GPHN: variants seen among roughly 807,000 people sequenced by gnomAD.
GPHN encodes gephyrin.
A neutral mutation model predicts 95.5 loss-of-function variants in GPHN; 17 were observed. That is an observed-to-expected ratio of 0.18 (90% CI 0.12 to 0.27). GPHN has a LOEUF of 0.27. GPHN is among the 10% of genes least tolerant of loss of function. The pLI, the probability that GPHN is intolerant of heterozygous loss-of-function variation, is 1.00. For missense variants in GPHN, 660 were observed against 978.1 expected (o/e 0.67, Z 4.34); for synonymous variants, 320 against 322.5 (o/e 0.99, Z 0.08).
Position 66,672,890 on chromosome 14 carries a change from C to T in GPHN, c.65-8217C>T, listed in dbSNP as rs191611059. Among the ~76,000 whole-genome samples, 34 of 152,062 alleles carry T rather than the reference C, an allele frequency of 2.2e-4. No individual in the cohort carries two copies. In the East Asian group the frequency reaches 5.6e-3, roughly 25 times the overall value. On this transcript the variant is annotated intron_variant, in intron 1 of 22. Coordinates refer to ENST00000478722, the MANE Select transcript of GPHN (RefSeq NM_020806.5). ...ATCTCTGTTTTTTAATTGGTGCATT[C>T]GGACCATTGACATTCAACATCGTTA...
At chr14:66,869,979 A>G (rs1189622207) in intron 4 of GPHN, among the ~76,000 whole-genome samples, 1 of 152,126 alleles carries the variant, frequency 6.6e-6, no homozygotes, top group Non-Finnish European at 1.5e-5. Context: ...AGCACATACT[A>G]TATGTTGGGC....
the GPHN span, among the ~76,000 whole-genome samples, chr14:67,195,376 C>T: frequency 6.6e-6 from 1 of 152,120 alleles, no homozygotes; most frequent in Non-Finnish European, 1.5e-5. Context: ...CCACTCTTTG[C>T]TCTCTGGAAG....
intron 9 of GPHN, among the ~76,000 whole-genome samples, chr14:66,978,713 G>A (rs753537191): frequency 2.2e-4 from 33 of 152,004 alleles, no homozygotes; most frequent in Non-Finnish European, 4.4e-5. Flanking sequence ...TTGATATTCT[G>A]GGCTCCCATG....
At chr14:66,986,136 AT>A (rs1416154634) in intron 9 of GPHN, among the ~76,000 whole-genome samples, 1 of 150,632 alleles carries the variant, frequency 6.6e-6, no homozygotes, top group Non-Finnish European at 1.5e-5. Context: ...TGTAAAAAAA[AT>A]AATTTTAATG....
chr14:66,905,759 ATTGTTCCCAT>A (rs2065348768), intron 5 of GPHN, among the ~76,000 whole-genome samples: 1 of 152,000 alleles, frequency 6.6e-6, no homozygotes, highest in South Asian at 2.1e-4. Flanking sequence ...CCCAGTGTCT[ATTGTTCCCAT>A]CTTTATGTCC....
At chr14:66,757,345 C>T (rs1024312896) in intron 2 of GPHN, among the ~76,000 whole-genome samples, 3 of 134,812 alleles carry the variant, frequency 2.2e-5, no homozygotes, top group African/African-American at 7.0e-5. Flanking sequence ...TATATATACA[C>T]GCACACACAC....
the GPHN span, among the ~76,000 whole-genome samples, chr14:67,371,548 C>T: frequency 9.9e-5 from 15 of 152,106 alleles, no homozygotes; most frequent in African/African-American, 1.4e-4. Context: ...CTTACATAGA[C>T]CTTATAGCCT....
chr14:66,709,122 T>A (rs2069364615), intron 2 of GPHN, among the ~76,000 whole-genome samples: 1 of 152,144 alleles, frequency 6.6e-6, no homozygotes, highest in Non-Finnish European at 1.5e-5. Flanking sequence ...GCCAATGAGA[T>A]TAATATAATG....
intron 3 of GPHN, among the ~76,000 whole-genome samples, chr14:66,777,030 G>A (rs893955262): frequency 7.3e-5 from 11 of 151,024 alleles, no homozygotes; most frequent in Non-Finnish European, 1.5e-4. Context: ...ATGCTATCCC[G>A]AGCTGGTTTT....
At chr14:67,587,649 G>C in the GPHN span, 2 of 215,126 alleles carry the variant, frequency 9.3e-6, no homozygotes, top group Non-Finnish European at 1.9e-5. Flanking sequence ...CAGGGTTCAA[G>C]CAATTCTCCT....
At chr14:67,678,332 G>C in the GPHN span, 86 of 1,611,072 alleles carry the variant, frequency 5.3e-5, no homozygotes, top group Non-Finnish European at 6.5e-5. Flanking sequence ...TAGTCTATTG[G>C]GAGGCCCAGC....
chr14:67,338,710 C>A, the GPHN span: 1 of 1,613,764 alleles, frequency 6.2e-7, no homozygotes, highest in Non-Finnish European at 8.5e-7. Flanking sequence ...TGCTCCAAGT[C>A]CTTCTCAGAT....
At chr14:67,480,667 C>T in the GPHN span, among the ~76,000 whole-genome samples, 1 of 152,146 alleles carries the variant, frequency 6.6e-6, no homozygotes, top group Non-Finnish European at 1.5e-5. Flanking sequence ...TGCACGTATC[C>T]CCCTGGCTCT....
chr14:66,600,946 A>G (rs1483144005), intron 1 of GPHN, among the ~76,000 whole-genome samples: 2 of 152,050 alleles, frequency 1.3e-5, no homozygotes, highest in African/African-American at 4.8e-5. Context: ...AATAAATTTT[A>G]TTGAGTAGAC....
the GPHN span, chr14:67,573,811 TC>T: frequency 6.2e-7 from 1 of 1,611,450 alleles, no homozygotes; most frequent in Non-Finnish European, 8.5e-7. The surrounding 1 kb of genome is among the most constrained non-coding windows in gnomAD (Gnocchi z 4.8). Context: ...AGTGATGTCA[TC>T]CGGAAACCTC....
the GPHN span, chr14:67,398,094 T>A: frequency 1.2e-5 from 4 of 320,918 alleles, no homozygotes; most frequent in East Asian, 1.5e-4. Context: ...CTTCCTGTAA[T>A]CCTACTGCTA....
chr14:66,793,961 A>T lies in GPHN; in HGVS notation c.201+17440A>T, dbSNP rs117718151. Among the ~76,000 whole-genome samples the T allele has an allele frequency of 3.1e-3, 469 of 152,320 alleles. 1 individual carries two copies. The highest frequency in any genetic ancestry group is 6.0e-3 in the South Asian group (29 of 4,832). ...ATATCATTAAATGTGAATGGATTTAACAATTCAATCATAAGGCATACATTG... is the reference window on the plus strand; with the variant it reads ...ATATCATTAAATGTGAATGGATTTATCAATTCAATCATAAGGCATACATTG... On this transcript the variant is annotated intron_variant, in intron 3 of 22. Coordinates refer to ENST00000478722, the MANE Select transcript of GPHN (RefSeq NM_020806.5).
chr14:66,723,285 ACT>A (rs1427957757), intron 2 of GPHN, among the ~76,000 whole-genome samples: 1 of 130,602 alleles, frequency 7.7e-6, no homozygotes, highest in African/African-American at 4.1e-5. Flanking sequence ...AAAGTTTATA[ACT>A]TTATAAATAT....
intron 4 of GPHN, among the ~76,000 whole-genome samples, chr14:66,859,232 C>T (rs1460355651): frequency 6.6e-6 from 1 of 152,172 alleles, no homozygotes; most frequent in African/African-American, 2.4e-5. Flanking sequence ...TCAGGTCTGA[C>T]CCAGCTGACC....
Sources: allele counts gnomAD v4.1 joint callset (sites outside exome capture counted in the v4.1 genomes callset), GRCh38; gene constraint gnomAD v4.1.1; non-coding constraint Gnocchi (gnomAD v3.1); transcripts MANE v1.5; gene names NCBI Gene and HGNC (gene_info 2026-07-23, HGNC 2026-07-21).